UBE2L3: variants seen among roughly 807,000 people sequenced by gnomAD.
UBE2L3 encodes the protein ubiquitin conjugating enzyme E2 L3.
UBE2L3 carries 1 observed loss-of-function variant against 17.8 expected under a neutral mutation model. The ratio of observed to expected loss-of-function variants is 0.06; its 90% confidence interval spans 0.02 to 0.27. UBE2L3 has a LOEUF of 0.27. UBE2L3 is among the 10% of genes least tolerant of loss of function. UBE2L3 has a pLI of 1.00. For synonymous variants in UBE2L3, 44 were observed against 68.5 expected, an observed-to-expected ratio of 0.64 and a Z score of 1.76; for missense variants, 40 against 192.6, an observed-to-expected ratio of 0.21 and a Z score of 4.69.
intron 1 of UBE2L3, among the ~76,000 whole-genome samples, chr22:21,551,982 A>C (rs1234444637): frequency 9.2e-6 from 1 of 109,058 alleles, no homozygotes; most frequent in African/African-American, 4.1e-5. Flanking sequence ...CACACACTGA[A>C]CTGAAGAAAT....
chr22:21,566,919 G>C (rs376056632), upstream of UBE2L3, among the ~76,000 whole-genome samples: 178 of 152,270 alleles, frequency 1.2e-3, no homozygotes, highest in African/African-American at 3.6e-3. Flanking sequence ...GTGTGACCTT[G>C]GGCAAGTCAC....
intron 1 of UBE2L3, among the ~76,000 whole-genome samples, chr22:21,574,327 T>C (rs1198154190): frequency 1.3e-5 from 2 of 152,180 alleles, no homozygotes; most frequent in African/African-American, 2.4e-5. Flanking sequence ...TTACTTTACC[T>C]CTCTGTGCCT....
At chr22:21,619,570 A>G (rs1325163903) in intron 3 of UBE2L3, among the ~76,000 whole-genome samples, 2 of 152,248 alleles carry the variant, frequency 1.3e-5, no homozygotes, top group Non-Finnish European at 2.9e-5. Flanking sequence ...AGTAAAAAGC[A>G]GAGGTTAGGC....
intron 1 of UBE2L3, among the ~76,000 whole-genome samples, chr22:21,570,690 A>G (rs975442910): frequency 1.3e-5 from 2 of 152,126 alleles, no homozygotes; most frequent in East Asian, 1.9e-4. Flanking sequence ...GTGAGAATCA[A>G]TGTTTAAGAC....
Position 21,567,735 on chromosome 22 carries a change from C to G in UBE2L3, c.-10C>G, listed in dbSNP as rs1367915698. 6.3e-7 allele frequency: 1 copy of G among 1,580,992 alleles called. No homozygotes were observed. The highest frequency in any genetic ancestry group is 1.2e-5 in the South Asian group (1 of 86,122). ...ATGCATTCTGGGGAAGGAGCAGCACCAAATCCAAGATGGCGGCCAGCAGGA... is the reference window on the plus strand; with the variant it reads ...ATGCATTCTGGGGAAGGAGCAGCACGAAATCCAAGATGGCGGCCAGCAGGA... On this transcript the variant is annotated 5_prime_UTR_variant, in exon 1 of 4. Coordinates refer to ENST00000342192, the MANE Select transcript of UBE2L3 (RefSeq NM_003347.4).
At chr22:21,608,480 G>A (rs1437790958) in intron 2 of UBE2L3, among the ~76,000 whole-genome samples, 1 of 152,102 alleles carries the variant, frequency 6.6e-6, no homozygotes, top group East Asian at 1.9e-4. Context: ...CTGGAGTGTA[G>A]TGGCGCAACC....
intron 1 of UBE2L3, among the ~76,000 whole-genome samples, chr22:21,590,041 A>AC (rs1280134683): frequency 6.6e-6 from 1 of 151,866 alleles, no homozygotes; most frequent in Non-Finnish European, 1.5e-5. Context: ...TCCTTTCTGC[A>AC]CCCCTGCCCT....
intron 1 of UBE2L3, among the ~76,000 whole-genome samples, chr22:21,571,571 G>A (rs1926966645): frequency 6.6e-6 from 1 of 152,108 alleles, no homozygotes; most frequent in African/African-American, 2.4e-5. Flanking sequence ...ACCACTCCCT[G>A]CTAATTTTGT....
chr22:21,608,929 CT>C (rs916641158), intron 2 of UBE2L3, among the ~76,000 whole-genome samples: 1 of 151,554 alleles, frequency 6.6e-6, no homozygotes, highest in Non-Finnish European at 1.5e-5. Context: ...CAGTCTCGCT[CT>C]TTCGTCCAGG....
intron 1 of UBE2L3, chr22:21,568,386 C>A: frequency 1.0e-6 from 1 of 985,460 alleles, no homozygotes; most frequent in Non-Finnish European, 1.2e-6. Flanking sequence ...GGGTAAGTTC[C>A]AACTCCAGGA....
At chr22:21,602,976 A>G (rs1928943599) in intron 2 of UBE2L3, among the ~76,000 whole-genome samples, 1 of 152,160 alleles carries the variant, frequency 6.6e-6, no homozygotes, top group South Asian at 2.1e-4. Flanking sequence ...AAGTGATGGC[A>G]GCACTGGCTT....
At chr22:21,576,201 G>A (rs112987367) in intron 1 of UBE2L3, among the ~76,000 whole-genome samples, 5 of 147,978 alleles carry the variant, frequency 3.4e-5, no homozygotes, top group African/African-American at 1.0e-4. Flanking sequence ...TGCAACCTCC[G>A]CCTCCCGGGT....
chr22:21,593,066 A>G (rs1928343246), intron 2 of UBE2L3, 110 bp downstream of exon 2: 2 of 895,452 alleles, frequency 2.2e-6, no homozygotes, highest in Admixed American at 3.9e-5. Context: ...GGCAGCCAGC[A>G]GATGCACAGA....
chr22:21,593,943 A>G (rs922579720), intron 2 of UBE2L3, among the ~76,000 whole-genome samples: 3 of 152,004 alleles, frequency 2.0e-5, no homozygotes, highest in African/African-American at 4.8e-5. Context: ...TTTCGGCATC[A>G]TAGATGATTA....
intron 2 of UBE2L3, among the ~76,000 whole-genome samples, chr22:21,608,759 T>C (rs1216590831): frequency 1.3e-5 from 2 of 149,276 alleles, no homozygotes; most frequent in African/African-American, 4.9e-5. Flanking sequence ...TTTTTTTTTT[T>C]TTTGTAGAGA....
intron 3 of UBE2L3, among the ~76,000 whole-genome samples, chr22:21,614,153 C>G (rs796823771): frequency 2.0e-5 from 3 of 152,330 alleles, no homozygotes; most frequent in African/African-American, 7.2e-5. Context: ...CCTTCTCCCA[C>G]CTGCCTGATT....
At chr22:21,583,734 G>A (rs1927770130) in intron 1 of UBE2L3, among the ~76,000 whole-genome samples, 1 of 152,190 alleles carries the variant, frequency 6.6e-6, no homozygotes. Context: ...AGTCAGGGGG[G>A]CTTAGACCAC....
intron 2 of UBE2L3, among the ~76,000 whole-genome samples, chr22:21,608,741 A>ATT (rs779049247): frequency 0.14 from 15,705 of 109,746 alleles, 1,581 homozygotes; most frequent in East Asian, 0.39. Context: ...AATATATTTA[A>ATT]TTTTTTTTTT....
At chr22:21,576,990 A>T (rs141727237) in intron 1 of UBE2L3, among the ~76,000 whole-genome samples, 2,416 of 132,728 alleles carry the variant, frequency 0.018, 31 homozygotes, top group Admixed American at 0.028. Context: ...TTTTTTTGAG[A>T]TGGAGTCTCG....
Sources: gnomAD v4.1 joint callset for allele counts (sites outside exome capture counted in the v4.1 genomes callset) on GRCh38, gnomAD v4.1.1 for gene constraint, MANE v1.5 for transcripts, NCBI Gene and HGNC (gene_info 2026-07-23, HGNC 2026-07-21) for gene names.